Variants in RSPO2 observed in about 807,000 individuals in gnomAD.
RSPO2 encodes the protein R-spondin-2.
In RSPO2, 14 loss-of-function variants were observed where a neutral mutation model predicts 30.9. That is an observed-to-expected ratio of 0.45 (90% CI 0.30 to 0.71). The LOEUF (loss-of-function observed/expected upper bound fraction) is 0.71, where lower values mean the gene tolerates loss of function less well. Ranked by LOEUF, RSPO2 falls within the 30% of genes least tolerant of loss-of-function variation. The pLI is 0.08. For synonymous variants in RSPO2, 107 were observed against 96.4 expected (o/e 1.11, Z -0.64); for missense variants, 264 against 301.9 (o/e 0.87, Z 0.93).
At chr8:107,947,127 G>T (rs1374016000) in intron 5 of RSPO2, among the ~76,000 whole-genome samples, 1 of 152,172 alleles carries the variant, frequency 6.6e-6, no homozygotes, top group Non-Finnish European at 1.5e-5. Flanking sequence ...TCAACCCAAT[G>T]TTCCAGGACA....
At chr8:107,987,719 T>A (rs1176589383) in intron 3 of RSPO2, among the ~76,000 whole-genome samples, 2 of 152,152 alleles carry the variant, frequency 1.3e-5, no homozygotes, top group Non-Finnish European at 2.9e-5. Context: ...TTTACATATA[T>A]GTGGTTCCTT....
chr8:107,980,329 A>G (rs1563548637), intron 3 of RSPO2, among the ~76,000 whole-genome samples: 1 of 152,120 alleles, frequency 6.6e-6, no homozygotes, highest in Non-Finnish European at 1.5e-5. Context: ...CATCCCCTAA[A>G]TTACAGTCTT....
At chr8:108,030,119 G>GAAAAA (rs11434221) in intron 2 of RSPO2, among the ~76,000 whole-genome samples, 16 of 70,978 alleles carry the variant, frequency 2.3e-4, no homozygotes, top group East Asian at 4.8e-4. Flanking sequence ...GGATAGATAG[G>GAAAAA]AAAAAAAAAA....
At chr8:107,910,479 G>T (rs1311929693) in intron 5 of RSPO2, among the ~76,000 whole-genome samples, 1 of 152,168 alleles carries the variant, frequency 6.6e-6, no homozygotes, top group African/African-American at 2.4e-5. Flanking sequence ...GCTGCAGTGA[G>T]CTATGATCAT....
intron 2 of RSPO2, among the ~76,000 whole-genome samples, chr8:108,028,860 G>A (rs931578548): frequency 6.6e-6 from 1 of 152,074 alleles, no homozygotes; most frequent in African/African-American, 2.4e-5. Context: ...GTAAACTATA[G>A]GAAGCTGTAA....
intron 2 of RSPO2, among the ~76,000 whole-genome samples, chr8:108,072,137 G>A (rs934474730): frequency 2.6e-5 from 4 of 152,066 alleles, no homozygotes. Flanking sequence ...AGGTCTGCCA[G>A]CTGAATCAAC....
At chr8:107,980,836 T>TA in intron 3 of RSPO2, among the ~76,000 whole-genome samples, 1 of 152,294 alleles carries the variant, frequency 6.6e-6, no homozygotes, top group Non-Finnish European at 1.5e-5. Context: ...ATCCCTTCTA[T>TA]AACTGTGCAA....
intron 2 of RSPO2, among the ~76,000 whole-genome samples, chr8:108,045,812 GCTAA>G (rs1811892938): frequency 1.3e-5 from 2 of 152,110 alleles, no homozygotes; most frequent in African/African-American, 2.4e-5. Context: ...TGAACAATTT[GCTAA>G]CTGTTTACTG....
chr8:108,061,036 A>T (rs939647213), intron 2 of RSPO2, among the ~76,000 whole-genome samples: 1 of 151,858 alleles, frequency 6.6e-6, no homozygotes, highest in African/African-American at 2.4e-5. Flanking sequence ...TGAAGGAAGC[A>T]CTAAACATGG....
chr8:107,989,091 T>C lies in RSPO2; in HGVS notation c.248A>G (p.Tyr83Cys), dbSNP rs1319262945. Reference protein sequence around the residue: ...ECLHSCPSGYYGHRAPDMNRC... With the variant: ...ECLHSCPSGYCGHRAPDMNRC... ...GTTCATATCTGGGGCTCGGTGTCCA[T>C]AGTACCCGGATGGGCAGGAATGCAG... The change falls in exon 3 of 6, where the codon TAT becomes TGT. Residue 83 changes from tyrosine (Y) to cysteine (C), a missense_variant. Coordinates refer to ENST00000276659, the MANE Select transcript of RSPO2 (RefSeq NM_178565.5). The C allele has an allele frequency of 1.9e-6, 3 of 1,609,534 alleles. No individual in the cohort carries two copies. Among genetic ancestry groups the C allele is most frequent in the Admixed American group, 1.7e-5 (1 of 59,106 alleles).
At chr8:107,980,558 T>C (rs888111490) in intron 3 of RSPO2, among the ~76,000 whole-genome samples, 4 of 152,320 alleles carry the variant, frequency 2.6e-5, no homozygotes, top group Admixed American at 2.0e-4. Context: ...GCATTTCTGG[T>C]TTAAGTGTAA....
At chr8:107,906,479 T>C (rs1472433760) in intron 5 of RSPO2, among the ~76,000 whole-genome samples, 1 of 152,038 alleles carries the variant, frequency 6.6e-6, no homozygotes, top group South Asian at 2.1e-4. Context: ...TTATCATAAA[T>C]GGATCTAAGA....
At chr8:108,034,120 C>G (rs1221777937) in intron 2 of RSPO2, among the ~76,000 whole-genome samples, 1 of 152,024 alleles carries the variant, frequency 6.6e-6, no homozygotes, top group Non-Finnish European at 1.5e-5. Flanking sequence ...TCATAATGCT[C>G]CTAAGGACAG....
chr8:107,948,937 G>A (rs1319015382), intron 5 of RSPO2, among the ~76,000 whole-genome samples: 1 of 148,890 alleles, frequency 6.7e-6, no homozygotes, highest in African/African-American at 2.5e-5. Flanking sequence ...AAGAGTAACT[G>A]CCCCCTGCAA....
chr8:108,065,349 A>G (rs1586673526), intron 2 of RSPO2, among the ~76,000 whole-genome samples: 3 of 151,450 alleles, frequency 2.0e-5, no homozygotes, highest in African/African-American at 7.3e-5. Flanking sequence ...AAAAGCACAC[A>G]CCTCCAGTGT....
intron 5 of RSPO2, among the ~76,000 whole-genome samples, chr8:107,951,046 T>TTTTG (rs10684498): frequency 0.54 from 79,672 of 146,496 alleles, 23,821 homozygotes; most frequent in East Asian, 0.73. Flanking sequence ...AGAATAAGTT[T>TTTTG]TTTTTTGTTG....
chr8:107,926,950 G>A (rs1489675467), intron 5 of RSPO2, among the ~76,000 whole-genome samples: 1 of 152,080 alleles, frequency 6.6e-6, no homozygotes, highest in Non-Finnish European at 1.5e-5. Context: ...TTGGTAGCTT[G>A]ATGGGGATGG....
chr8:108,020,564 C>T lies in RSPO2; in HGVS notation c.95-31320G>A, dbSNP rs6981552. ...ACTACCCATGCCTAGAATACCTTTACCTGCAATGTTCTTATTTTTTTAGTT... is the reference window on the plus strand; with the variant it reads ...ACTACCCATGCCTAGAATACCTTTATCTGCAATGTTCTTATTTTTTTAGTT... On this transcript the variant is annotated intron_variant, in intron 2 of 5. Transcript: ENST00000276659. Among the ~76,000 whole-genome samples, 830 of 152,270 alleles carry T rather than the reference C, an allele frequency of 5.5e-3. 10 individuals are homozygous for T. Among genetic ancestry groups the T allele is most frequent in the African/African-American group, 0.019 (779 of 41,572 alleles).
At chr8:107,937,809 C>T (rs774223906) in intron 5 of RSPO2, among the ~76,000 whole-genome samples, 3 of 152,034 alleles carry the variant, frequency 2.0e-5, no homozygotes, top group Admixed American at 6.6e-5. Context: ...GTTACTCTCA[C>T]CAAAATTTTT....
Sources: allele counts gnomAD v4.1 joint callset (sites outside exome capture counted in the v4.1 genomes callset), GRCh38; gene constraint gnomAD v4.1.1; transcripts MANE v1.5; gene names NCBI Gene and HGNC (gene_info 2026-07-23, HGNC 2026-07-21).